ELMO1: variants seen among roughly 807,000 people sequenced by gnomAD.
The protein encoded by ELMO1 is engulfment and cell motility protein 1.
ELMO1 carries 26 observed loss-of-function variants against 98.9 expected under a neutral mutation model. The observed-to-expected ratio is 0.26, with a 90% CI of 0.19 to 0.36. The LOEUF is 0.36. ELMO1 is among the 10% of genes least tolerant of loss of function. The pLI is 1.00. For synonymous variants in ELMO1, 346 were observed against 346.0 expected (o/e 1.00, Z 0.00); for missense variants, 627 against 935.2 (o/e 0.67, Z 4.30).
chr7:37,435,215 G>GA (rs1340977995), intron 1 of ELMO1: 1 of 152,064 alleles, frequency 6.6e-6, no homozygotes, highest in Non-Finnish European at 1.5e-5. Flanking sequence ...GACTAGCCTT[G>GA]AAAAAGAAAA....
chr7:37,387,232 G>T (rs148504277), intron 1 of ELMO1, among the ~76,000 whole-genome samples: 2 of 152,324 alleles, frequency 1.3e-5, no homozygotes, highest in East Asian at 3.9e-4. Context: ...GATTAGTTCC[G>T]AGTGCTGCCT....
intron 16 of ELMO1, among the ~76,000 whole-genome samples, chr7:36,949,632 C>CCT (rs906305914): frequency 2.6e-5 from 4 of 152,094 alleles, no homozygotes; most frequent in African/African-American, 9.7e-5. Flanking sequence ...GCATCTCTGG[C>CCT]CTCTATTCAC....
chr7:37,136,136 G>C (rs919353551), intron 13 of ELMO1, among the ~76,000 whole-genome samples: 7 of 151,996 alleles, frequency 4.6e-5, no homozygotes, highest in African/African-American at 1.7e-4. Context: ...AAAGCTCAAA[G>C]ACAAGGCTTT....
chr7:37,000,032 A>T (rs1202638564), intron 16 of ELMO1, among the ~76,000 whole-genome samples: 3 of 152,232 alleles, frequency 2.0e-5, no homozygotes, highest in Non-Finnish European at 1.5e-5. Flanking sequence ...ACCGACCAGC[A>T]TCTGCTCAGC....
At chr7:37,274,264 T>G (rs554663487) in intron 4 of ELMO1, among the ~76,000 whole-genome samples, 1 of 152,066 alleles carries the variant, frequency 6.6e-6, no homozygotes, top group Admixed American at 6.5e-5. Flanking sequence ...AACAACAGAG[T>G]TCTAAGGAAG....
chr7:37,048,330 T>C (rs112463422), intron 15 of ELMO1, among the ~76,000 whole-genome samples: 132 of 152,320 alleles, frequency 8.7e-4, no homozygotes, highest in African/African-American at 3.0e-3. Context: ...TAAAAATCTA[T>C]TTTACCAATT....
At chr7:37,044,074 T>TA (rs34845299) in intron 15 of ELMO1, among the ~76,000 whole-genome samples, 5 of 152,214 alleles carry the variant, frequency 3.3e-5, no homozygotes, top group Admixed American at 3.3e-4. Context: ...CCACTCATTT[T>TA]AAAAAACTAT....
intron 15 of ELMO1, among the ~76,000 whole-genome samples, chr7:37,047,429 G>T (rs1795858031): frequency 1.3e-5 from 2 of 152,196 alleles, no homozygotes; most frequent in South Asian, 4.1e-4. Flanking sequence ...CCCAGTTAAG[G>T]CTGGGCTCAT....
chr7:37,363,805 A>T (rs1801791521), intron 1 of ELMO1, among the ~76,000 whole-genome samples: 1 of 152,210 alleles, frequency 6.6e-6, no homozygotes, highest in Admixed American at 6.5e-5. Flanking sequence ...AGATCTAAAC[A>T]TTGGTAGAAG....
At chr7:37,036,340 T>C (rs1399520562) in intron 15 of ELMO1, among the ~76,000 whole-genome samples, 1 of 152,186 alleles carries the variant, frequency 6.6e-6, no homozygotes, top group Admixed American at 6.5e-5. Context: ...AGATGCTTAA[T>C]ATCATACAAA....
intron 15 of ELMO1, among the ~76,000 whole-genome samples, chr7:37,047,847 C>A (rs1026990923): frequency 6.6e-6 from 1 of 151,828 alleles, no homozygotes; most frequent in East Asian, 1.9e-4. Flanking sequence ...GACTAGTTTT[C>A]TCTTTCCCAA....
At position 36,854,085 on chromosome 7, in the gene ELMO1, T is replaced by C. The variant is rs1024002511; in HGVS notation, c.*1466A>G. Among the ~76,000 whole-genome samples, 11 of 145,624 alleles carry C rather than the reference T, an allele frequency of 7.6e-5. No homozygotes were observed. The East Asian group carries it at 1.8e-3, about 24-fold the overall frequency. On this transcript the variant is annotated 3_prime_UTR_variant, in exon 22 of 22. Coordinates refer to ENST00000310758, the MANE Select transcript of ELMO1 (RefSeq NM_014800.11). Reference sequence around the variant, plus strand: ...TCAAGAGACAGCAATGTAAAAGGAATAGATATTTTCATACAGTGGGTCTGA... The same window carrying C: ...TCAAGAGACAGCAATGTAAAAGGAACAGATATTTTCATACAGTGGGTCTGA...
At chr7:37,366,678 T>G (rs571584404) in intron 1 of ELMO1, among the ~76,000 whole-genome samples, 13 of 152,346 alleles carry the variant, frequency 8.5e-5, no homozygotes, top group African/African-American at 2.9e-4. Context: ...CAATGCTGGC[T>G]TATTCCTCTG....
At chr7:37,217,820 A>C (rs1793379172) in intron 10 of ELMO1, 2 of 456,700 alleles carry the variant, frequency 4.4e-6, no homozygotes, top group African/African-American at 4.0e-5. Flanking sequence ...ATGGAAATTC[A>C]GAGGACTCTG....
At chr7:37,410,129 C>G (rs1428360388) in intron 1 of ELMO1, among the ~76,000 whole-genome samples, 2 of 152,196 alleles carry the variant, frequency 1.3e-5, no homozygotes, top group African/African-American at 4.8e-5. Flanking sequence ...ACAATTCCTG[C>G]TGTAATTGCT....
Position 37,422,406 on chromosome 7 carries a change from A to C in ELMO1, c.-74+26269T>G, listed in dbSNP as rs971789845. Reference sequence around the variant, plus strand: ...CTTAATTCATCAGCTTTTTTCCCCCAAAAAATCTGTGCTTCGCTTTGGCCT... The same window carrying C: ...CTTAATTCATCAGCTTTTTTCCCCCCAAAAATCTGTGCTTCGCTTTGGCCT... On this transcript the variant is annotated intron_variant, in intron 1 of 21. Transcript: ENST00000310758. 4.6e-5 allele frequency among the ~76,000 whole-genome samples: 7 copies of C among 152,210 alleles called. No homozygotes were observed. The South Asian group carries it at 8.3e-4, about 18-fold the overall frequency.
chr7:37,235,896 G>A (rs188026760), intron 7 of ELMO1, among the ~76,000 whole-genome samples: 388 of 152,304 alleles, frequency 2.5e-3, no homozygotes, highest in Non-Finnish European at 3.1e-3. Flanking sequence ...CTCCAGCCTG[G>A]GCGACAGAGT....
intron 13 of ELMO1, among the ~76,000 whole-genome samples, chr7:37,155,503 A>AAT (rs1554427527): frequency 7.6e-6 from 1 of 131,738 alleles, no homozygotes; most frequent in Non-Finnish European, 1.6e-5. Context: ...AAAAAAAAAA[A>AAT]AAAAAGCAGG....
chr7:37,086,330 C>CAGTG (rs1554407790), intron 15 of ELMO1, among the ~76,000 whole-genome samples: 1 of 143,082 alleles, frequency 7.0e-6, no homozygotes, highest in Admixed American at 6.9e-5. Context: ...CAATACATGA[C>CAGTG]TGTGTGTGTG....
Sources: allele counts gnomAD v4.1 joint callset (sites outside exome capture counted in the v4.1 genomes callset), GRCh38; gene constraint gnomAD v4.1.1; transcripts MANE v1.5; gene names NCBI Gene and HGNC (gene_info 2026-07-23, HGNC 2026-07-21).